The following GRIK5 variants were observed in gnomAD, a reference collection of about 807,000 sequenced individuals.
GRIK5 encodes glutamate ionotropic receptor kainate type subunit 5.
A neutral mutation model predicts 97.4 loss-of-function variants in GRIK5; 43 were observed. That is an observed-to-expected ratio of 0.44 (90% CI 0.35 to 0.57). GRIK5 has a LOEUF of 0.57. Among genes scored for constraint, GRIK5 ranks in the 20% least tolerant of loss-of-function variants. The pLI, the probability that GRIK5 is intolerant of heterozygous loss-of-function variation, is 0.01. For synonymous variants in GRIK5, 580 were observed against 583.5 expected, an observed-to-expected ratio of 0.99 and a Z score of 0.09; for missense variants, 1,015 against 1,382.0, an observed-to-expected ratio of 0.73 and a Z score of 4.21.
chr19:42,006,823 A>G lies in GRIK5; in HGVS notation c.1872-13T>C, dbSNP rs1240753326. On this transcript the variant is annotated splice_polypyrimidine_tract_variant and intron_variant, in intron 15 of 19. Coordinates refer to ENST00000593562, the MANE Select transcript of GRIK5 (RefSeq NM_002088.5). This position sits in a 1 kb window ranked among gnomAD's most constrained non-coding sequence, Gnocchi z 5.3. ...GGTGAAGGCCCACCTGAAGGGTGGG[A>G]GGGGTGAGTCACGGGCTGGAGTCAC... The G allele has an allele frequency of 1.3e-6, 2 of 1,581,618 alleles. No homozygotes were observed. The highest frequency in any genetic ancestry group is 1.3e-5 in the African/African-American group (1 of 74,388).
At chr19:42,012,676 A>G (rs2075577890) in intron 15 of GRIK5, among the ~76,000 whole-genome samples, 1 of 151,930 alleles carries the variant, frequency 6.6e-6, no homozygotes, top group Non-Finnish European at 1.5e-5. Flanking sequence ...AGGAATTGAG[A>G]CTAGCCTGGG....
intron 1 of GRIK5, chr19:42,068,455 G>C (rs2146197977): frequency 3.0e-6 from 1 of 332,136 alleles, no homozygotes; most frequent in Middle Eastern, 7.3e-4. Context: ...AGTCAGCATG[G>C]ACCACGGAGA....
At chr19:42,005,254 A>C (rs1340190035) in intron 17 of GRIK5, among the ~76,000 whole-genome samples, 1 of 151,114 alleles carries the variant, frequency 6.6e-6, no homozygotes, top group Non-Finnish European at 1.5e-5. Context: ...AAAAAAAAAA[A>C]AAACAAAACA....
chr19:42,010,241 CA>C (rs1295139187), intron 15 of GRIK5, among the ~76,000 whole-genome samples: 6 of 151,420 alleles, frequency 4.0e-5, no homozygotes, highest in Admixed American at 6.6e-5. Context: ...AAGGGATAAC[CA>C]AAAAAAAGTC....
Position 42,065,405 on chromosome 19 carries a change from T to C in GRIK5, c.80-18A>G, listed in dbSNP as rs1356458937. ...GATTGCAGCTGAGGGGACACATGGG[T>C]TGGGGACCAGACTCCTGAGTCCTGA... is the stretch of plus-strand genomic sequence containing the variant. On this transcript the variant is annotated intron_variant, in intron 2 of 19. Transcript: ENST00000593562. The surrounding 1 kb of genome is among the most constrained non-coding windows in gnomAD (Gnocchi z 5.8). 1 of 1,565,618 alleles carries C rather than the reference T, an allele frequency of 6.4e-7. No individual in the cohort carries two copies. Among genetic ancestry groups the C allele is most frequent in the Non-Finnish European group, 8.7e-7 (1 of 1,154,040 alleles).
Position 42,005,851 on chromosome 19 carries a change from A to G in GRIK5, c.2135T>C (p.Val712Ala). Residue 712 changes from valine to alanine, a missense_variant, in exon 17 of 20, where the codon GTC becomes GCC. Around this residue, in one of 5 missense-constraint regions of GRIK5, gnomAD observed 229 missense variants for 341.0 expected, o/e 0.67. Coordinates refer to ENST00000593562, the MANE Select transcript of GRIK5 (RefSeq NM_002088.5). ...CAGGAAGGCGTAGCGGGAGTTGAGG[A>G]CGCGGGCAATGCCCTCTTCTGTGCT... ...VKSTEEGIAR[V>A]LNSRYAFLLE... 1 of 1,612,728 alleles carries G rather than the reference A, an allele frequency of 6.2e-7. No individual in the cohort carries two copies. The highest frequency in any genetic ancestry group is 8.5e-7 in the Non-Finnish European group (1 of 1,178,804).
intron 15 of GRIK5, among the ~76,000 whole-genome samples, chr19:42,013,080 G>A (rs549503432): frequency 6.6e-6 from 1 of 151,952 alleles, no homozygotes; most frequent in Admixed American, 6.6e-5. Context: ...TAGGGCCAGA[G>A]CAGTGGCTCA....
intron 15 of GRIK5, among the ~76,000 whole-genome samples, chr19:42,013,684 A>G (rs1333052977): frequency 6.6e-6 from 1 of 152,086 alleles, no homozygotes; most frequent in African/African-American, 2.4e-5. Flanking sequence ...TGCTGGGCTT[A>G]CAGGCGTGAG....
In GRIK5 at chr19:42,022,146, G is replaced by A. The variant is rs527788504; in HGVS notation, c.1588-90C>T. ...CTACCAGGGACCTGGGAGCCTGACC[G>A]GCCCATCTGAGGTCCTGGGGCTGTC... On this transcript the variant is annotated intron_variant, in intron 13 of 19. Transcript: ENST00000593562. The surrounding 1 kb of genome is among the most constrained non-coding windows in gnomAD (Gnocchi z 4.2). The A allele has an allele frequency of 1.4e-5, 20 of 1,392,392 alleles. No individual in the cohort carries two copies. The East Asian group carries it at 2.1e-4, about 15-fold the overall frequency. 86.3% of individuals were successfully genotyped at this position (1,392,392 alleles called of 1,614,324 possible). A position where few individuals can be genotyped will look rare whatever the true frequency, so the allele number is the denominator to read the frequency against.
At position 42,062,292 on chromosome 19, in the gene GRIK5, G is replaced by T. The variant is rs935395477; in HGVS notation, c.508+196C>A. Among the ~76,000 whole-genome samples the T allele has an allele frequency of 6.6e-6, 1 of 152,162 alleles. No individual in the cohort carries two copies. Among genetic ancestry groups the T allele is most frequent in the African/African-American group, 2.4e-5 (1 of 41,450 alleles). ...GGCAGGTGCTTAGTCACCATCTGGG[G>T]ACTAAATGGATCTCTTTGGGGAGAG... is the stretch of plus-strand genomic sequence containing the variant. On this transcript the variant is annotated intron_variant, in intron 5 of 19. Transcript: ENST00000593562. This position sits in a 1 kb window ranked among gnomAD's most constrained non-coding sequence, Gnocchi z 5.3.
chr19:42,055,764 CTT>C, intron 8 of GRIK5, among the ~76,000 whole-genome samples: 1 of 152,158 alleles, frequency 6.6e-6, no homozygotes, highest in East Asian at 1.9e-4. Flanking sequence ...ACTGCAACCT[CTT>C]CTACCTCCCA....
Position 42,062,464 on chromosome 19 carries a change from A to T in GRIK5, c.508+24T>A. 6.2e-7 allele frequency: 1 copy of T among 1,613,016 alleles called. No individual in the cohort carries two copies. The highest frequency in any genetic ancestry group is 1.7e-4 in the Middle Eastern group (1 of 6,058). On this transcript the variant is annotated intron_variant, in intron 5 of 19. Coordinates refer to ENST00000593562, the MANE Select transcript of GRIK5 (RefSeq NM_002088.5). This position sits in a 1 kb window ranked among gnomAD's most constrained non-coding sequence, Gnocchi z 5.3. Reference sequence around the variant, plus strand: ...GAAGGGGTGTCTGGGGGAACAGAAAACAAAACATTCAGTTCTCCCTCACAC... The same window carrying T: ...GAAGGGGTGTCTGGGGGAACAGAAATCAAAACATTCAGTTCTCCCTCACAC...
Position 42,005,847 on chromosome 19 carries a change from G to C in GRIK5, c.2139C>G (p.Leu713=), listed in dbSNP as rs1555872431. ...KSTEEGIARV[L]NSRYAFLLES... ...CGAGCAGGAAGGCGTAGCGGGAGTT[G>C]AGGACGCGGGCAATGCCCTCTTCTG... is the stretch of plus-strand genomic sequence containing the variant. The change falls in exon 17 of 20, where the codon CTC becomes CTG. Residue 713 remains leucine (L), a synonymous_variant. Transcript: ENST00000593562. 2.5e-6 allele frequency: 4 copies of C among 1,612,794 alleles called. No individual in the cohort carries two copies. The South Asian group carries it at 4.4e-5, about 18-fold the overall frequency.
At chr19:42,037,247 G>A (rs2075917289) in intron 12 of GRIK5, among the ~76,000 whole-genome samples, 1 of 152,220 alleles carries the variant, frequency 6.6e-6, no homozygotes, top group South Asian at 2.1e-4. Flanking sequence ...CTCACTTGAG[G>A]TCAGGAGTTC....
chr19:42,003,316 C>A lies in GRIK5; in HGVS notation c.2514+16G>T. 4 of 1,602,838 alleles carry A rather than the reference C, an allele frequency of 2.5e-6. No homozygotes were observed. The highest frequency in any genetic ancestry group is 1.1e-5 in the South Asian group (1 of 90,672). The stretch of plus-strand genomic sequence containing the variant: ...GGGTCCCTGTTCCTGCCCACCCCCA[C>A]CCCCAGCCTCCTCACCTCCTCGGAC... On this transcript the variant is annotated intron_variant, in intron 19 of 19. Coordinates refer to ENST00000593562, the MANE Select transcript of GRIK5 (RefSeq NM_002088.5). This position sits in a 1 kb window ranked among gnomAD's most constrained non-coding sequence, Gnocchi z 4.2.
intron 6 of GRIK5, among the ~76,000 whole-genome samples, chr19:42,057,761 C>T (rs1259329833): frequency 6.6e-6 from 1 of 152,162 alleles, no homozygotes; most frequent in African/African-American, 2.4e-5. Flanking sequence ...GTCAGAAAAT[C>T]GATTCCCTGC....
At chr19:42,023,855 C>G (rs2075734279) in intron 12 of GRIK5, among the ~76,000 whole-genome samples, 1 of 152,190 alleles carries the variant, frequency 6.6e-6, no homozygotes, top group African/African-American at 2.4e-5. Context: ...CCTCCCAGTC[C>G]ATTCCTCACA....
chr19:42,015,395 C>T (rs1296484167), intron 15 of GRIK5, among the ~76,000 whole-genome samples: 1 of 152,224 alleles, frequency 6.6e-6, no homozygotes, highest in Non-Finnish European at 1.5e-5. Context: ...AGACCATATG[C>T]TGAGCTCTAA....
chr19:42,048,463 A>G (rs1033364656), intron 11 of GRIK5, among the ~76,000 whole-genome samples: 4 of 152,124 alleles, frequency 2.6e-5, no homozygotes, highest in Non-Finnish European at 5.9e-5. Context: ...TACTAAAAAT[A>G]CAAAAAATTA....
Sources: allele counts gnomAD v4.1 joint callset (sites outside exome capture counted in the v4.1 genomes callset), GRCh38; gene constraint gnomAD v4.1.1; regional missense constraint gnomAD v4.1.1; non-coding constraint Gnocchi (gnomAD v3.1); transcripts MANE v1.5; gene names NCBI Gene and HGNC (gene_info 2026-07-23, HGNC 2026-07-21).